CNIH3: variants seen among roughly 807,000 people sequenced by gnomAD.
CNIH3 encodes protein cornichon homolog 3.
CNIH3 carries 14 observed loss-of-function variants against 24.1 expected under a neutral mutation model. The ratio of observed to expected loss-of-function variants is 0.58; its 90% CI spans 0.38 to 0.91. CNIH3 has a LOEUF of 0.91. Ranked by LOEUF, CNIH3 falls within the 40% of genes least tolerant of loss-of-function variation. The probability of loss-of-function intolerance (pLI) is 0.00; values close to 1 mark genes in which losing one functional copy is unlikely to be tolerated. For synonymous variants in CNIH3, 68 were observed against 73.8 expected (o/e 0.92, Z 0.40); for missense variants, 178 against 196.8 (o/e 0.90, Z 0.57).
At chr1:224,495,977 G>A (rs1295424092) in intron 1 of CNIH3, among the ~76,000 whole-genome samples, 6 of 152,126 alleles carry the variant, frequency 3.9e-5, no homozygotes, top group Non-Finnish European at 5.9e-5. Context: ...CAGAGAGAGC[G>A]CAACTAAGCA....
intron 2 of CNIH3, among the ~76,000 whole-genome samples, chr1:224,525,564 C>T (rs148676355): frequency 1.4e-3 from 212 of 152,202 alleles, no homozygotes; most frequent in Non-Finnish European, 1.4e-3. Flanking sequence ...GTATTTTCTG[C>T]TCTACACGCA....
chr1:224,537,869 G>A (rs548115278), downstream of CNIH3, among the ~76,000 whole-genome samples: 1 of 152,210 alleles, frequency 6.6e-6, no homozygotes, highest in African/African-American at 2.4e-5. Flanking sequence ...TCCATAATAA[G>A]CAAAAGGAAC....
At chr1:224,472,232 TG>T (rs1676402496) in intron 1 of CNIH3, among the ~76,000 whole-genome samples, 1 of 152,218 alleles carries the variant, frequency 6.6e-6, no homozygotes, top group Non-Finnish European at 1.5e-5. Flanking sequence ...CACCAGCATT[TG>T]TTATTGCCTG....
At chr1:224,622,227 ATG>A (rs1051130351) in intron 1 of CNIH3, among the ~76,000 whole-genome samples, 37 of 152,328 alleles carry the variant, frequency 2.4e-4, no homozygotes, top group African/African-American at 8.9e-4. Flanking sequence ...AGTTTGGACA[ATG>A]TGCATTTTCC....
intron 1 of CNIH3, among the ~76,000 whole-genome samples, chr1:224,519,786 C>T (rs1259132054): frequency 6.6e-5 from 10 of 151,300 alleles, no homozygotes. Context: ...GGTTCTGTTT[C>T]TTGGGAGAAC....
chr1:224,611,629 T>C (rs1182531309), upstream of CNIH3: 5 of 152,024 alleles, frequency 3.3e-5, no homozygotes. Flanking sequence ...ATCTAAAGAG[T>C]TCAAACTGTG....
chr1:224,491,579 A>T (rs573953152), intron 1 of CNIH3, among the ~76,000 whole-genome samples: 18 of 152,226 alleles, frequency 1.2e-4, no homozygotes, highest in African/African-American at 3.9e-4. Flanking sequence ...CATCTATTAA[A>T]TAAATTCATT....
rs1047972348 is a variant in CNIH3 at position 224,598,510 on chromosome 1, A to G, written n.402+32246A>G. On this transcript the variant is annotated intron_variant and non_coding_transcript_variant, in intron 3 of 7. Transcript: ENST00000478120. ...TGACCCCAATTTTAAAAGAAGTTCT[A>G]CTATAGGCAAAATGCTATCAAACAG... 3.9e-5 allele frequency among the ~76,000 whole-genome samples: 6 copies of G among 152,238 alleles called. 1 individual carries two copies. Among genetic ancestry groups the G allele is most frequent in the Non-Finnish European group, 8.8e-5 (6 of 68,044 alleles).
At chr1:224,579,528 T>G (rs1006856649) in intron 4 of CNIH3, among the ~76,000 whole-genome samples, 12 of 152,240 alleles carry the variant, frequency 7.9e-5, no homozygotes, top group Non-Finnish European at 1.3e-4. Flanking sequence ...GGTAAAAGTC[T>G]GGCTGACAAT....
chr1:224,591,875 G>A (rs936634609), downstream of CNIH3, among the ~76,000 whole-genome samples: 13 of 152,180 alleles, frequency 8.5e-5, no homozygotes, highest in Admixed American at 3.9e-4. Context: ...TAATACCCAC[G>A]TTGCAGAGTG....
intron 5 of CNIH3, among the ~76,000 whole-genome samples, chr1:224,585,111 G>T (rs919031515): frequency 2.0e-5 from 3 of 152,184 alleles, no homozygotes; most frequent in Non-Finnish European, 4.4e-5. Flanking sequence ...TTCAGGGTTT[G>T]CTGCAACTTA....
At chr1:224,560,659 A>G (rs1229037211) in intron 3 of CNIH3, among the ~76,000 whole-genome samples, 2 of 151,332 alleles carry the variant, frequency 1.3e-5, no homozygotes, top group African/African-American at 2.4e-5. Flanking sequence ...ATGCCTGATG[A>G]TCTGTCACTG....
chr1:224,461,985 CT>C (rs199755302), intron 1 of CNIH3, among the ~76,000 whole-genome samples: 2 of 151,982 alleles, frequency 1.3e-5, no homozygotes, highest in African/African-American at 4.8e-5. Flanking sequence ...TACTTCTTTC[CT>C]TTTTTTTAAA....
chr1:224,486,287 T>C (rs1214806529), intron 1 of CNIH3, among the ~76,000 whole-genome samples: 1 of 151,784 alleles, frequency 6.6e-6, no homozygotes, highest in Non-Finnish European at 1.5e-5. Flanking sequence ...TGTGGGGTTT[T>C]TTTTTTGTGG....
chr1:224,649,168 C>T (rs1049952232), intron 1 of CNIH3, among the ~76,000 whole-genome samples: 2 of 152,132 alleles, frequency 1.3e-5, no homozygotes, highest in South Asian at 2.1e-4. Context: ...TCAAGGGTCT[C>T]GAGATGGGGA....
chr1:224,562,819 C>G (rs1342920499), intron 3 of CNIH3, among the ~76,000 whole-genome samples: 1 of 152,168 alleles, frequency 6.6e-6, no homozygotes, highest in Admixed American at 6.5e-5. Flanking sequence ...TTCCTGAGGT[C>G]CCCACCAGGA....
intron 1 of CNIH3, among the ~76,000 whole-genome samples, chr1:224,629,060 G>T (rs1683688129): frequency 6.6e-6 from 1 of 151,260 alleles, no homozygotes; most frequent in African/African-American, 2.4e-5. Flanking sequence ...AGGCTGGAGT[G>T]CAGTGGCGTG....
intron 1 of CNIH3, among the ~76,000 whole-genome samples, chr1:224,620,869 A>G (rs1683247208): frequency 6.6e-6 from 1 of 151,962 alleles, no homozygotes; most frequent in African/African-American, 2.4e-5. Context: ...GTTTAGAAGG[A>G]AAAAAAAGCG....
At chr1:224,617,300 TA>T in intron 1 of CNIH3, 45 bp downstream of exon 1, 1 of 1,596,290 alleles carries the variant, frequency 6.3e-7, no homozygotes. Context: ...CCAATTTCGC[TA>T]AATTTCCCCG....
Sources: allele counts gnomAD v4.1 joint callset (sites outside exome capture counted in the v4.1 genomes callset), GRCh38; gene constraint gnomAD v4.1.1; transcripts MANE v1.5; gene names NCBI Gene and HGNC (gene_info 2026-07-23, HGNC 2026-07-21).